The following SSBP3 variants were observed in gnomAD, a reference collection of about 807,000 sequenced individuals.
SSBP3 encodes single stranded DNA binding protein 3.
A neutral mutation model predicts 69.6 loss-of-function variants in SSBP3; 5 were observed. The ratio of observed to expected loss-of-function variants is 0.07; its 90% confidence interval spans 0.04 to 0.15. SSBP3 has a LOEUF of 0.15. Ranked by LOEUF, SSBP3 falls within the 10% of genes least tolerant of loss-of-function variation. The pLI is 1.00. For synonymous variants in SSBP3, 196 were observed against 193.4 expected (o/e 1.01, Z -0.11); for missense variants, 312 against 534.0 (o/e 0.58, Z 4.10).
intron 5 of SSBP3, among the ~76,000 whole-genome samples, chr1:54,266,356 T>G (rs1645103572): frequency 1.3e-5 from 2 of 152,250 alleles, no homozygotes; most frequent in South Asian, 2.1e-4. Context: ...TTTTTATAAA[T>G]TAAGTTTAAT....
chr1:54,230,732 T>C (rs1300487404), intron 14 of SSBP3, among the ~76,000 whole-genome samples: 1 of 152,184 alleles, frequency 6.6e-6, no homozygotes, highest in Non-Finnish European at 1.5e-5. Flanking sequence ...TGTCCATGGA[T>C]TTGCCTATCC....
chr1:54,369,900 C>T (rs1009378988), intron 4 of SSBP3, among the ~76,000 whole-genome samples: 2 of 152,284 alleles, frequency 1.3e-5, no homozygotes, highest in East Asian at 1.9e-4. Context: ...CTGCCTCTCT[C>T]GGGATCCCCA....
At chr1:54,238,849 C>T in intron 14 of SSBP3, 1 of 406,146 alleles carries the variant, frequency 2.5e-6, no homozygotes, top group Non-Finnish European at 4.8e-6. Flanking sequence ...GGCGCTTCCC[C>T]CACCAGCACG....
intron 4 of SSBP3, among the ~76,000 whole-genome samples, chr1:54,314,738 G>A (rs1413291715): frequency 1.3e-5 from 2 of 152,218 alleles, no homozygotes; most frequent in African/African-American, 4.8e-5. Flanking sequence ...CAGAATTGGA[G>A]AGTGAGCTGC....
At chr1:54,289,044 AC>A (rs1557499517) in intron 4 of SSBP3, among the ~76,000 whole-genome samples, 13 of 51,296 alleles carry the variant, frequency 2.5e-4, no homozygotes, top group African/African-American at 1.3e-3. Context: ...AAACAAAAAA[AC>A]AAAAAAAAAA....
At chr1:54,238,300 G>A in intron 14 of SSBP3, 1 of 471,120 alleles carries the variant, frequency 2.1e-6, no homozygotes, top group Non-Finnish European at 4.4e-6. Context: ...CCAGGCCAAA[G>A]CCTCGCACTT....
chr1:54,323,367 C>A (rs1270205492), intron 4 of SSBP3, among the ~76,000 whole-genome samples: 1 of 152,214 alleles, frequency 6.6e-6, no homozygotes, highest in African/African-American at 2.4e-5. Flanking sequence ...TCAGGCCTCT[C>A]GAATCCCAAG....
At chr1:54,229,557 G>T (rs1279462656) in intron 14 of SSBP3, among the ~76,000 whole-genome samples, 1 of 152,148 alleles carries the variant, frequency 6.6e-6, no homozygotes, top group Non-Finnish European at 1.5e-5. Context: ...TGTTGGTGTG[G>T]CAGATGAGGG....
intron 5 of SSBP3, among the ~76,000 whole-genome samples, chr1:54,273,271 G>C (rs187874026): frequency 3.3e-5 from 5 of 152,360 alleles, no homozygotes; most frequent in Admixed American, 3.3e-4. Context: ...TTTTTCAGAG[G>C]GGGAGGGAGA....
At chr1:54,375,496 A>G (rs554397154) in intron 4 of SSBP3, among the ~76,000 whole-genome samples, 38 of 152,242 alleles carry the variant, frequency 2.5e-4, no homozygotes, top group African/African-American at 7.5e-4. Flanking sequence ...GGCCTGCTTG[A>G]AGCTGCTACA....
chr1:54,408,005 C>G (rs1460203090), upstream of SSBP3, among the ~76,000 whole-genome samples: 1 of 152,138 alleles, frequency 6.6e-6, no homozygotes, highest in Non-Finnish European at 1.5e-5. Flanking sequence ...GCAAAAGAAT[C>G]TGCATTGGTT....
intron 5 of SSBP3, among the ~76,000 whole-genome samples, chr1:54,268,518 G>C (rs3766428): frequency 0.42 from 63,808 of 152,164 alleles, 13,585 homozygotes; most frequent in South Asian, 0.48. Flanking sequence ...ATCCAACTAG[G>C]AAGGGGGGCT....
chr1:54,399,335 CAT>C (rs1030645087), intron 4 of SSBP3, among the ~76,000 whole-genome samples: 2 of 152,218 alleles, frequency 1.3e-5, no homozygotes, highest in African/African-American at 4.8e-5. Context: ...GTCATGACTC[CAT>C]GTGTGTGCAT....
chr1:54,396,193 G>GAAAAAAAAAAAAAAAAAA lies in SSBP3; in HGVS notation c.276+5650_276+5667dup, dbSNP rs59276509. Among the ~76,000 whole-genome samples the GAAAAAAAAAAAAAAAAAA allele has an allele frequency of 1.4e-3, 57 of 40,578 alleles. 1 individual carries two copies. The highest frequency in any genetic ancestry group is 3.4e-3 in the East Asian group (2 of 594). The allele number at this position is 40,578 out of a possible 152,430, so 26.6% of individuals were successfully genotyped here. A position where few individuals can be genotyped will look rare whatever the true frequency, so the allele number is the denominator to read the frequency against. On this transcript the variant is annotated intron_variant, in intron 4 of 17. Transcript: ENST00000610401. ...GGTGACAGAGTGAGACTCCATCTCA[G>GAAAAAAAAAAAAAAAAAA]AAAAAAAAAAAAAAAAAAAAAAAAA... is the stretch of plus-strand genomic sequence containing the variant.
chr1:54,352,452 C>T (rs1646795456), intron 4 of SSBP3, among the ~76,000 whole-genome samples: 1 of 152,202 alleles, frequency 6.6e-6, no homozygotes, highest in Non-Finnish European at 1.5e-5. Flanking sequence ...AACCTTCTGT[C>T]AGAAACGGTC....
intron 14 of SSBP3, among the ~76,000 whole-genome samples, chr1:54,234,178 T>C (rs1644444193): frequency 6.6e-6 from 1 of 151,192 alleles, no homozygotes; most frequent in Non-Finnish European, 1.5e-5. Flanking sequence ...CACCACTCCC[T>C]AATCTCAAGT....
intron 4 of SSBP3, among the ~76,000 whole-genome samples, chr1:54,390,761 T>C (rs527320625): frequency 6.6e-6 from 1 of 152,358 alleles, no homozygotes; most frequent in East Asian, 1.9e-4. Flanking sequence ...TGGAGAGCCC[T>C]GCCCGGAGCT....
chr1:54,243,244 C>G lies in SSBP3; in HGVS notation c.707G>C (p.Gly236Ala), dbSNP rs1347519881. 6.8e-6 allele frequency: 11 copies of G among 1,613,328 alleles called. No individual in the cohort carries two copies. The Admixed American group carries it at 1.8e-4, about 27-fold the overall frequency. Residue 236 changes from glycine (G) to alanine (A), a missense_variant, in exon 10 of 18, where the codon GGG becomes GCG. Gly to Ala is a moderately conservative substitution (Grantham distance 60, BLOSUM62 0). Coordinates refer to ENST00000610401, the Ensembl canonical transcript of SSBP3. ...GTCGTTTTTGCCTTACATGTTAATC[C>G]CGGGCATGGCGGGGCCGAGGGAGTT...
At chr1:54,331,145 G>T (rs1421606818) in intron 4 of SSBP3, among the ~76,000 whole-genome samples, 1 of 152,110 alleles carries the variant, frequency 6.6e-6, no homozygotes, top group South Asian at 2.1e-4. Context: ...AATAACCTCC[G>T]CATGTAACGT....
Sources: allele counts gnomAD v4.1 joint callset (sites outside exome capture counted in the v4.1 genomes callset), GRCh38; gene constraint gnomAD v4.1.1; transcripts MANE v1.5; gene names NCBI Gene and HGNC (gene_info 2026-07-23, HGNC 2026-07-21).